Variants in HCN1 observed in about 807,000 individuals in gnomAD.
HCN1 encodes the protein potassium/sodium hyperpolarization-activated cyclic nucleotide-gated channel 1.
A neutral mutation model predicts 78.9 loss-of-function variants in HCN1; 13 were observed. The observed-to-expected ratio is 0.16, with a 90% CI of 0.11 to 0.26. The LOEUF is 0.26. HCN1 is among the 10% of genes least tolerant of loss of function. The pLI is 1.00. For synonymous variants in HCN1, 552 were observed against 455.5 expected, an observed-to-expected ratio of 1.21 and a Z score of -2.70; for missense variants, 810 against 1,154.3, an observed-to-expected ratio of 0.70 and a Z score of 4.32.
intron 2 of HCN1, among the ~76,000 whole-genome samples, chr5:45,585,191 A>C (rs1744185199): frequency 1.3e-5 from 2 of 152,124 alleles, no homozygotes; most frequent in African/African-American, 4.8e-5. Context: ...TGGCCTTTTC[A>C]CATAGTCCCA....
At chr5:45,533,728 G>GA (rs1338555846) in intron 2 of HCN1, among the ~76,000 whole-genome samples, 1 of 152,076 alleles carries the variant, frequency 6.6e-6, no homozygotes, top group East Asian at 1.9e-4. Context: ...AAAAATATAG[G>GA]AAAAAAAGTG....
chr5:45,578,246 G>C (rs992277783), intron 2 of HCN1, among the ~76,000 whole-genome samples: 4 of 151,962 alleles, frequency 2.6e-5, no homozygotes, highest in Non-Finnish European at 5.9e-5. Context: ...TCTATCTAAA[G>C]GGTCTCAAAT....
rs375902844 is a variant in HCN1, at chr5:45,353,157, T to G, written c.1320A>C (p.Gln440His). The G allele has an allele frequency of 6.2e-7, 1 of 1,611,694 alleles. No homozygotes were observed. Among genetic ancestry groups the G allele is most frequent in the South Asian group, 1.1e-5 (1 of 91,022 alleles). Residue 440 changes from glutamine to histidine, a missense_variant, in exon 5 of 8, where the codon CAA becomes CAC. Gln to His is a conservative substitution (Grantham distance 24, BLOSUM62 0). Around this residue, in one of 6 missense-constraint regions of HCN1, gnomAD observed 100 missense variants for 126.8 expected, o/e 0.79. Coordinates refer to ENST00000303230, the MANE Select transcript of HCN1 (RefSeq NM_021072.4). ...KIHDYYEHRY[Q>H]GKIFDEENIL... ...TATTTTCCTCATCAAAGATTTTGCCTTGGTATCTGTGTTCATAGTAATCAT... is the reference window on the plus strand; with the variant it reads ...TATTTTCCTCATCAAAGATTTTGCCGTGGTATCTGTGTTCATAGTAATCAT...
chr5:45,571,529 T>C (rs1195936236), intron 2 of HCN1, among the ~76,000 whole-genome samples: 2 of 152,200 alleles, frequency 1.3e-5, no homozygotes, highest in Non-Finnish European at 2.9e-5. Flanking sequence ...ACCTGGATGC[T>C]TCATGGGAAT....
chr5:45,450,899 A>G (rs1460761694), intron 3 of HCN1, among the ~76,000 whole-genome samples: 1 of 152,140 alleles, frequency 6.6e-6, no homozygotes, highest in Non-Finnish European at 1.5e-5. Flanking sequence ...AATGGTCTCA[A>G]TGGCAAAAAA....
intron 3 of HCN1, among the ~76,000 whole-genome samples, chr5:45,450,615 A>C (rs1740897524): frequency 6.6e-6 from 1 of 152,200 alleles, no homozygotes; most frequent in Non-Finnish European, 1.5e-5. Flanking sequence ...ATAAATAAGC[A>C]AAATAAATAA....
At chr5:45,331,781 T>A (rs1183044803) in intron 5 of HCN1, among the ~76,000 whole-genome samples, 2 of 151,438 alleles carry the variant, frequency 1.3e-5, no homozygotes, top group African/African-American at 2.4e-5. Context: ...AGTCGATTTT[T>A]AAAAATCAAT....
At chr5:45,325,269 T>C (rs1219271701) in intron 5 of HCN1, among the ~76,000 whole-genome samples, 1 of 151,704 alleles carries the variant, frequency 6.6e-6, no homozygotes, top group Non-Finnish European at 1.5e-5. Flanking sequence ...ACATAACTCT[T>C]TAGGGAATAT....
chr5:45,316,951 G>A (rs2111928181), intron 5 of HCN1, among the ~76,000 whole-genome samples: 1 of 152,246 alleles, frequency 6.6e-6, no homozygotes, highest in South Asian at 2.1e-4. Context: ...CATGCTCATG[G>A]ATAGGAAGAA....
intron 6 of HCN1, among the ~76,000 whole-genome samples, chr5:45,289,479 A>C (rs1039988972): frequency 5.9e-5 from 9 of 152,182 alleles, no homozygotes; most frequent in African/African-American, 2.2e-4. Flanking sequence ...ATAATCCCTA[A>C]AGAAAGTAAC....
rs545155788 is a variant in HCN1, at chr5:45,440,117, A to G, written c.1011+21729T>C. On this transcript the variant is annotated intron_variant, in intron 3 of 7. Coordinates refer to ENST00000303230, the MANE Select transcript of HCN1 (RefSeq NM_021072.4). ...TTGAGAATTTTTTCAAATAATAAAGATAGAAACTTAGATCAAAAAGTTCAA... is the reference window on the plus strand; with the variant it reads ...TTGAGAATTTTTTCAAATAATAAAGGTAGAAACTTAGATCAAAAAGTTCAA... Among the ~76,000 whole-genome samples, 186 of 151,482 alleles carry G rather than the reference A, an allele frequency of 1.2e-3. 1 individual carries two copies. Among genetic ancestry groups the G allele is most frequent in the African/African-American group, 4.3e-3 (177 of 41,458 alleles).
At position 45,375,337 on chromosome 5, in the gene HCN1, CAATATATATAA is replaced by C. The variant is rs1561131342; in HGVS notation, c.1230+21144_1230+21154del. Among the ~76,000 whole-genome samples the C allele has an allele frequency of 1.3e-3, 152 of 118,078 alleles. 2 individuals are homozygous for C. Among genetic ancestry groups the C allele is most frequent in the African/African-American group, 4.7e-3 (144 of 30,366 alleles). The allele number at this position is 118,078 out of a possible 152,430, so 77.5% of individuals were successfully genotyped here. On this transcript the variant is annotated intron_variant, in intron 4 of 7. Coordinates refer to ENST00000303230, the MANE Select transcript of HCN1 (RefSeq NM_021072.4). ...ATATAATATAATATTTTATGATATA[CAATATATATAA>C]TATAATATTTTATGATATACAATAT...
rs1744735078 is a variant in HCN1 at position 45,261,536 on chromosome 5, G to A, written c.*385C>T. ...TGGTGCTATTTACTAGTTCATTTGAGTTGCCTTTTTAAAATCAGTTTTGTT... is the reference window on the plus strand; with the variant it reads ...TGGTGCTATTTACTAGTTCATTTGAATTGCCTTTTTAAAATCAGTTTTGTT... On this transcript the variant is annotated 3_prime_UTR_variant, in exon 8 of 8. Transcript: ENST00000303230. 6.2e-6 allele frequency: 1 copy of A among 161,260 alleles called. No individual in the cohort carries two copies. The highest frequency in any genetic ancestry group is 1.4e-5 in the Non-Finnish European group (1 of 73,006). 10.0% of individuals were successfully genotyped at this position (161,260 alleles called of 1,614,324 possible).
At chr5:45,436,964 C>T (rs1740570733) in intron 3 of HCN1, among the ~76,000 whole-genome samples, 3 of 152,084 alleles carry the variant, frequency 2.0e-5, no homozygotes, top group Admixed American at 2.0e-4. Context: ...ATCTAGTTTT[C>T]CTAATTATCT....
chr5:45,373,915 G>T (rs1464530014), intron 4 of HCN1, among the ~76,000 whole-genome samples: 5 of 120,604 alleles, frequency 4.1e-5, no homozygotes, highest in African/African-American at 3.2e-5. Flanking sequence ...ATTACATACG[G>T]TATATACATC....
In HCN1 at chr5:45,285,910, T is replaced by A. The variant is rs111790469; in HGVS notation, c.1618+17689A>T. On this transcript the variant is annotated intron_variant, in intron 6 of 7. Transcript: ENST00000303230. Reference sequence around the variant, plus strand: ...TTATGATTATCTTATAAACAAATCATCAGATGTTTGCCATCAGTTCCTCAT... The same window carrying A: ...TTATGATTATCTTATAAACAAATCAACAGATGTTTGCCATCAGTTCCTCAT... 9.4e-3 allele frequency among the ~76,000 whole-genome samples: 1,434 copies of A among 152,088 alleles called. 20 individuals are homozygous for A. Among genetic ancestry groups the A allele is most frequent in the African/African-American group, 0.033 (1,382 of 41,526 alleles).
chr5:45,421,072 CT>C (rs1209197905), intron 3 of HCN1, among the ~76,000 whole-genome samples: 20 of 148,158 alleles, frequency 1.3e-4, no homozygotes, highest in Admixed American at 2.0e-4. Flanking sequence ...TTTCTTCTTT[CT>C]TTTTTTTTTG....
At chr5:45,533,203 A>G (rs1364513892) in intron 2 of HCN1, among the ~76,000 whole-genome samples, 1 of 152,334 alleles carries the variant, frequency 6.6e-6, no homozygotes, top group Admixed American at 6.5e-5. Context: ...ACTTTTGTAG[A>G]AAACATTGCA....
chr5:45,475,493 TTGAC>T (rs896526406), intron 2 of HCN1, among the ~76,000 whole-genome samples: 9 of 152,104 alleles, frequency 5.9e-5, no homozygotes, highest in Non-Finnish European at 8.8e-5. Flanking sequence ...ATGGAAAACT[TTGAC>T]TGTGCCAAAA....
Sources: gnomAD v4.1 joint callset for allele counts (sites outside exome capture counted in the v4.1 genomes callset) on GRCh38, gnomAD v4.1.1 for gene constraint, gnomAD v4.1.1 regional missense constraint, MANE v1.5 for transcripts, NCBI Gene and HGNC (gene_info 2026-07-23, HGNC 2026-07-21) for gene names.